LTN1: variants seen among roughly 807,000 people sequenced by gnomAD.
LTN1 encodes E3 ubiquitin-protein ligase listerin.
In LTN1, 88 loss-of-function variants were observed where a neutral mutation model predicts 201.2. The observed-to-expected ratio is 0.44, with a 90% confidence interval of 0.37 to 0.52. The LOEUF is 0.52. LTN1 is among the 20% of genes least tolerant of loss of function. The pLI, the probability that LTN1 is intolerant of heterozygous loss-of-function variation, is 0.00. For synonymous variants in LTN1, 645 were observed against 713.5 expected (o/e 0.90, Z 1.53); for missense variants, 1,752 against 2,038.7 (o/e 0.86, Z 2.71).
At position 28,957,244 on chromosome 21, in the gene LTN1, T is replaced by C. The variant is rs577250078; in HGVS notation, c.2892+88A>G. The C allele has an allele frequency of 2.4e-3, 3,059 of 1,271,318 alleles. 4 individuals carry two copies. The highest frequency in any genetic ancestry group is 3.2e-3 in the Non-Finnish European group (2,935 of 926,948). The allele number at this position is 1,271,318 out of a possible 1,614,324, so 78.8% of individuals were successfully genotyped here. On this transcript the variant is annotated intron_variant, in intron 15 of 29. Coordinates refer to ENST00000361371, the MANE Select transcript of LTN1 (RefSeq NM_015565.3). ...CAAAGCAAAATACTCATTTTATTTA[T>C]GTTTTTCTTCCCCAAAATAAAAATA...
At chr21:28,958,572 C>T (rs746338349) in intron 13 of LTN1, 33 bp from the exon 14 acceptor site, 4 of 1,500,382 alleles carry the variant, frequency 2.7e-6, no homozygotes, top group Non-Finnish European at 3.6e-6. Context: ...AATTTGTAAT[C>T]TCACTGAATT....
intron 6 of LTN1, among the ~76,000 whole-genome samples, chr21:28,975,930 CA>C (rs1462057231): frequency 1.3e-5 from 2 of 152,086 alleles, no homozygotes; most frequent in Non-Finnish European, 2.9e-5. Context: ...CTGATATATG[CA>C]ACAACATGAA....
chr21:28,984,673 G>A lies in LTN1; in HGVS notation c.576+19C>T. Reference sequence around the variant, plus strand: ...TACTTAAAAAAAAAAAATAGATTCAGAATGATTCCAGAACTTACACTTGTA... The same window carrying A: ...TACTTAAAAAAAAAAAATAGATTCAAAATGATTCCAGAACTTACACTTGTA... On this transcript the variant is annotated intron_variant, in intron 4 of 29. Transcript: ENST00000361371. 1.9e-6 allele frequency: 3 copies of A among 1,559,704 alleles called. No homozygotes were observed. The highest frequency in any genetic ancestry group is 1.2e-5 in the South Asian group (1 of 86,102).
chr21:28,958,003 A>G (rs889150088), intron 14 of LTN1, among the ~76,000 whole-genome samples: 4 of 152,222 alleles, frequency 2.6e-5, no homozygotes, highest in African/African-American at 7.2e-5. Context: ...TTTACTGTCT[A>G]TAAGTTATGA....
chr21:28,933,231 A>C (rs1311054749), intron 27 of LTN1, among the ~76,000 whole-genome samples: 2 of 152,082 alleles, frequency 1.3e-5, no homozygotes, highest in African/African-American at 4.8e-5. Context: ...TTCTGCTTCT[A>C]CCTCATCCTA....
At chr21:28,959,906 T>C in intron 12 of LTN1, 1 of 427,870 alleles carries the variant, frequency 2.3e-6, no homozygotes, top group East Asian at 4.2e-5. Context: ...ACAGAAATGG[T>C]CTACAGTTAG....
Position 28,982,381 on chromosome 21 carries a change from G to T in LTN1, c.577-13C>A. ...GATCCTGCAGCACCTACAAAGGGGGGAAATACCAAAGCCTTTGGTTTTACT... is the reference window on the plus strand; with the variant it reads ...GATCCTGCAGCACCTACAAAGGGGGTAAATACCAAAGCCTTTGGTTTTACT... On this transcript the variant is annotated splice_polypyrimidine_tract_variant and intron_variant, in intron 4 of 29. Transcript: ENST00000361371. The T allele has an allele frequency of 6.2e-7, 1 of 1,607,882 alleles. No individual in the cohort carries two copies.
intron 27 of LTN1, 145 bp downstream of exon 27, chr21:28,934,964 T>C (rs1451549794): frequency 2.6e-5 from 16 of 622,132 alleles, no homozygotes; most frequent in East Asian, 2.8e-5. Context: ...TCCCAAAGCG[T>C]TGGGATTAAG....
At chr21:28,963,726 T>C (rs1187718329) in intron 11 of LTN1, among the ~76,000 whole-genome samples, 1 of 152,238 alleles carries the variant, frequency 6.6e-6, no homozygotes, top group East Asian at 1.9e-4. Flanking sequence ...ATTCCTCTGA[T>C]GGATCTGGGC....
At chr21:28,943,436 T>TTG in intron 23 of LTN1, 100 bp from the exon 24 acceptor site, 2 of 752,136 alleles carry the variant, frequency 2.7e-6, no homozygotes, top group Non-Finnish European at 4.5e-6. Context: ...AATGAGTAAA[T>TTG]GTTTTAATGA....
intron 11 of LTN1, among the ~76,000 whole-genome samples, chr21:28,964,266 T>C (rs62224013): frequency 0.031 from 4,789 of 152,266 alleles, 109 homozygotes; most frequent in Middle Eastern, 0.12. Context: ...AACTGCACTA[T>C]TGTCCTTATT....
Position 28,935,171 on chromosome 21 carries a change from C to T in LTN1, c.4813G>A (p.Val1605Ile), listed in dbSNP as rs1213536402. Reference sequence around the variant, plus strand: ...GAAGATATTTCTTGAAAAGAAAGAACACTGCTGACATACTTGCTTGTAAAT... The same window carrying T: ...GAAGATATTTCTTGAAAAGAAAGAATACTGCTGACATACTTGCTTGTAAAT... Reference protein sequence around the residue: ...DRFTSKYVSSVLSFQEISSVQ... With the variant: ...DRFTSKYVSSILSFQEISSVQ... The change falls in exon 27 of 30, where the codon GTT (valine) becomes ATT (isoleucine). Residue 1605 changes from valine to isoleucine, a missense_variant. Physicochemically the swap from Val to Ile is conservative, Grantham distance 29. Around this residue, in one of 3 missense-constraint regions of LTN1, gnomAD observed 261 missense variants for 350.1 expected, o/e 0.75. Transcript: ENST00000361371. 2.5e-6 allele frequency: 4 copies of T among 1,613,464 alleles called. No homozygotes were observed. Among genetic ancestry groups the T allele is most frequent in the Admixed American group, 3.3e-5 (2 of 59,996 alleles).
At chr21:28,973,221 G>A (rs2084588959) in intron 6 of LTN1, among the ~76,000 whole-genome samples, 2 of 151,598 alleles carry the variant, frequency 1.3e-5, no homozygotes, top group South Asian at 4.2e-4. Flanking sequence ...GGTGGCACAT[G>A]CTTGTAATCC....
chr21:28,945,361 G>C (rs2084329246), intron 21 of LTN1, among the ~76,000 whole-genome samples: 1 of 152,174 alleles, frequency 6.6e-6, no homozygotes, highest in African/African-American at 2.4e-5. Flanking sequence ...CTGCCTTGGA[G>C]CCCACAAGTA....
At chr21:28,990,589 A>G (rs2084737018) in intron 1 of LTN1, among the ~76,000 whole-genome samples, 1 of 152,210 alleles carries the variant, frequency 6.6e-6, no homozygotes, top group Admixed American at 6.5e-5. Context: ...GAAAAATATA[A>G]CTTTATAATG....
chr21:28,986,880 G>C lies in LTN1; in HGVS notation c.97C>G (p.Pro33Ala). 6.2e-7 allele frequency: 1 copy of C among 1,614,056 alleles called. No individual in the cohort carries two copies. The highest frequency in any genetic ancestry group is 8.5e-7 in the Non-Finnish European group (1 of 1,179,980). The change falls in exon 2 of 30, where the codon CCT becomes GCT. Residue 33 changes from proline to alanine, a missense_variant. Transcript: ENST00000361371. The surrounding 1 kb of genome is among the most constrained non-coding windows in gnomAD (Gnocchi z 4.1). ...ELLAKEQGTV[P>A]GFIGFGTSQS... ...GATGTTCCAAAACCAATAAATCCAG[G>C]CACTGTTCCCTGTTCTTTGGCAAGG...
Position 28,992,800 on chromosome 21 carries a change from G to A in LTN1, c.6C>T (p.Gly2=), listed in dbSNP as rs748944298. ...CTTTAGTTCGCTGCTTGTTCTTCCC[G>A]CCCATGGTCGCGGTTGCAGCTGTAC... The part of the protein sequence containing the change: M[G]GKNKQRTKGN... The change falls in exon 1 of 30, where the codon GGC becomes GGT. Residue 2 remains glycine, a synonymous_variant. Transcript: ENST00000361371. 7 of 1,614,020 alleles carry A rather than the reference G, an allele frequency of 4.3e-6. No individual in the cohort carries two copies. The highest frequency in any genetic ancestry group is 5.9e-6 in the Non-Finnish European group (7 of 1,180,030).
At chr21:28,973,602 T>C (rs1349925046) in intron 6 of LTN1, among the ~76,000 whole-genome samples, 2 of 152,108 alleles carry the variant, frequency 1.3e-5, no homozygotes, top group African/African-American at 2.4e-5. Flanking sequence ...CCAAGAAACT[T>C]TGATCATAAA....
At position 28,987,534 on chromosome 21, in the gene LTN1, C is replaced by T. The variant is rs527382189; in HGVS notation, c.43-600G>A. Among the ~76,000 whole-genome samples the T allele has an allele frequency of 1.7e-4, 26 of 152,280 alleles. 1 individual carries two copies. The South Asian group carries it at 4.6e-3, about 27-fold the overall frequency. ...CACACTCCAAAGCCTAGCCTAACCT[C>T]TTTGGGCTAAAATTACATTATTATA... On this transcript the variant is annotated intron_variant, in intron 1 of 29. Transcript: ENST00000361371.
Sources: allele counts gnomAD v4.1 joint callset (sites outside exome capture counted in the v4.1 genomes callset), GRCh38; gene constraint gnomAD v4.1.1; regional missense constraint gnomAD v4.1.1; non-coding constraint Gnocchi (gnomAD v3.1); transcripts MANE v1.5; gene names NCBI Gene and HGNC (gene_info 2026-07-23, HGNC 2026-07-21).